Variants in ZFPM2 observed in about 807,000 individuals in gnomAD.
ZFPM2 encodes the protein zinc finger protein ZFPM2.
Under a neutral mutation model 98.6 loss-of-function variants are expected in ZFPM2, and 20 were observed. The ratio of observed to expected loss-of-function variants is 0.20; its 90% CI spans 0.14 to 0.29. The LOEUF (loss-of-function observed/expected upper bound fraction) is 0.29. ZFPM2 is among the 10% of genes least tolerant of loss of function. ZFPM2 has a pLI of 1.00. For synonymous variants in ZFPM2, 518 were observed against 502.7 expected (o/e 1.03, Z -0.41); for missense variants, 1,310 against 1,388.6 (o/e 0.94, Z 0.90).
intron 1 of ZFPM2, among the ~76,000 whole-genome samples, chr8:105,398,112 G>A (rs1459806289): frequency 1.3e-5 from 2 of 152,096 alleles, no homozygotes; most frequent in Admixed American, 6.5e-5. Context: ...TAAAGTCTAC[G>A]CAAAGGAGCT....
chr8:105,366,689 TC>T (rs1276104070), intron 1 of ZFPM2, among the ~76,000 whole-genome samples: 1 of 112,432 alleles, frequency 8.9e-6, no homozygotes, highest in Non-Finnish European at 1.7e-5. Flanking sequence ...CCCACCATAG[TC>T]CCCAGAGTGT....
chr8:105,436,530 A>T (rs966853110), intron 2 of ZFPM2, among the ~76,000 whole-genome samples: 1 of 149,376 alleles, frequency 6.7e-6, no homozygotes, highest in Non-Finnish European at 1.5e-5. Context: ...AAAAAAAAAA[A>T]TTATGCAACC....
chr8:105,523,402 C>G (rs1378443063), intron 3 of ZFPM2, among the ~76,000 whole-genome samples: 1 of 152,210 alleles, frequency 6.6e-6, no homozygotes, highest in Non-Finnish European at 1.5e-5. Flanking sequence ...ACTAGCTGGT[C>G]TTCCATACTG....
chr8:105,438,651 T>C (rs770751619), intron 2 of ZFPM2, among the ~76,000 whole-genome samples: 35 of 152,248 alleles, frequency 2.3e-4, no homozygotes, highest in Non-Finnish European at 3.4e-4. Flanking sequence ...GAGACATGAG[T>C]GTTGTTATGG....
intron 3 of ZFPM2, among the ~76,000 whole-genome samples, chr8:105,517,710 CACACACA>C (rs1813963554): frequency 1.2e-4 from 11 of 95,116 alleles, no homozygotes; most frequent in African/African-American, 3.1e-4. Flanking sequence ...ACACACACCA[CACACACA>C]CACACACACA....
Position 105,419,168 on chromosome 8 carries a change from A to G in ZFPM2, c.65A>G (p.Asp22Gly), listed in dbSNP as rs770757016. The change falls in exon 2 of 8, where the codon GAT (aspartate) becomes GGT (glycine). Residue 22 changes from aspartate to glycine, a missense_variant. Transcript: ENST00000407775. ...IKRPLEDAIEDEEEECPSEET... is the reference protein window; with the variant it reads ...IKRPLEDAIEGEEEECPSEET... ...GGGCCGCTTGAAGATGCCATTGAAGATGAGGAAGAAGAATGTCCATCAGAG... is the reference window on the plus strand; with the variant it reads ...GGGCCGCTTGAAGATGCCATTGAAGGTGAGGAAGAAGAATGTCCATCAGAG... 27 of 1,613,090 alleles carry G rather than the reference A, an allele frequency of 1.7e-5. No homozygotes were observed. The highest frequency in any genetic ancestry group is 2.1e-5 in the Non-Finnish European group (25 of 1,179,600).
intron 6 of ZFPM2, among the ~76,000 whole-genome samples, chr8:105,795,168 C>G (rs1813753679): frequency 1.3e-5 from 2 of 152,092 alleles, no homozygotes; most frequent in African/African-American, 4.8e-5. Flanking sequence ...CACCCGTCTT[C>G]TGCGTCACTC....
chr8:105,551,553 A>G (rs1814853515), intron 3 of ZFPM2, among the ~76,000 whole-genome samples: 1 of 152,186 alleles, frequency 6.6e-6, no homozygotes, highest in South Asian at 2.1e-4. Context: ...GAATGAGAGT[A>G]CCTCACAGTG....
intron 5 of ZFPM2, among the ~76,000 whole-genome samples, chr8:105,661,021 A>T (rs1321653707): frequency 6.6e-6 from 1 of 152,194 alleles, no homozygotes; most frequent in South Asian, 2.1e-4. Context: ...TAAAAGGTGC[A>T]TGGGGACATG....
chr8:105,391,438 G>A (rs1811106166), intron 1 of ZFPM2, among the ~76,000 whole-genome samples: 1 of 152,140 alleles, frequency 6.6e-6, no homozygotes, highest in South Asian at 2.1e-4. Flanking sequence ...ATAAGACAAC[G>A]ATGAAGTTTG....
At chr8:105,686,446 C>G (rs1490603283) in intron 5 of ZFPM2, among the ~76,000 whole-genome samples, 1 of 152,016 alleles carries the variant, frequency 6.6e-6, no homozygotes, top group Non-Finnish European at 1.5e-5. Flanking sequence ...TCCTTAATGG[C>G]TCTTCTCTGG....
At chr8:105,386,185 A>G (rs993180086) in intron 1 of ZFPM2, among the ~76,000 whole-genome samples, 1 of 152,246 alleles carries the variant, frequency 6.6e-6, no homozygotes, top group African/African-American at 2.4e-5. Flanking sequence ...TATTCTTGAT[A>G]TAACTCATGA....
At position 105,318,843 on chromosome 8, in the gene ZFPM2, C is replaced by A; in HGVS notation, c.-99C>A. On this transcript the variant is annotated 5_prime_UTR_variant, in exon 1 of 8. Coordinates refer to ENST00000407775, the MANE Select transcript of ZFPM2 (RefSeq NM_012082.4). Reference sequence around the variant, plus strand: ...CCGGCCGGCGGCGGGCCGAGCCTGGCCAGCGGCGGCGGCGGCGGCGGCGGC... The same window carrying A: ...CCGGCCGGCGGCGGGCCGAGCCTGGACAGCGGCGGCGGCGGCGGCGGCGGC... The A allele has an allele frequency of 2.2e-6, 1 of 445,994 alleles. No homozygotes were observed. The highest frequency in any genetic ancestry group is 2.7e-6 in the Non-Finnish European group (1 of 364,828). The allele number at this position is 445,994 out of a possible 1,614,324, so 27.6% of individuals were successfully genotyped here. A position where few individuals can be genotyped will look rare whatever the true frequency, so the allele number is the denominator to read the frequency against.
intron 5 of ZFPM2, among the ~76,000 whole-genome samples, chr8:105,720,304 A>G (rs1811630530): frequency 6.6e-6 from 1 of 151,850 alleles, no homozygotes; most frequent in Non-Finnish European, 1.5e-5. Flanking sequence ...AACATTTTCC[A>G]GGTTTTACAT....
intron 5 of ZFPM2, among the ~76,000 whole-genome samples, chr8:105,777,139 A>G (rs1440288922): frequency 6.6e-6 from 1 of 152,320 alleles, no homozygotes. Context: ...ACCAGAGTGC[A>G]GTTTTTATCG....
chr8:105,329,527 G>T (rs1280875881), intron 1 of ZFPM2, among the ~76,000 whole-genome samples: 1 of 151,738 alleles, frequency 6.6e-6, no homozygotes, highest in Non-Finnish European at 1.5e-5. Flanking sequence ...AATATATAAT[G>T]ACTTTTTGCA....
intron 3 of ZFPM2, among the ~76,000 whole-genome samples, chr8:105,533,168 T>A (rs1814332144): frequency 6.6e-6 from 1 of 152,178 alleles, no homozygotes; most frequent in Non-Finnish European, 1.5e-5. Context: ...ACTGCTTTTC[T>A]TAAGTCCCAC....
chr8:105,424,092 C>T (rs1177094274), intron 2 of ZFPM2, among the ~76,000 whole-genome samples: 2 of 152,120 alleles, frequency 1.3e-5, no homozygotes, highest in Non-Finnish European at 1.5e-5. Flanking sequence ...CAGACATCAC[C>T]ACTGAAGAAT....
intron 3 of ZFPM2, among the ~76,000 whole-genome samples, chr8:105,553,930 A>G (rs780790317): frequency 4.6e-5 from 7 of 152,166 alleles, no homozygotes; most frequent in Non-Finnish European, 1.0e-4. Context: ...TTCCAACAGT[A>G]GGAACTTACA....
Sources: allele counts gnomAD v4.1 joint callset (sites outside exome capture counted in the v4.1 genomes callset), GRCh38; gene constraint gnomAD v4.1.1; transcripts MANE v1.5; gene names NCBI Gene and HGNC (gene_info 2026-07-23, HGNC 2026-07-21).